The following LRRTM4 variants were observed in gnomAD, a reference collection of about 807,000 sequenced individuals.
LRRTM4 encodes leucine-rich repeat transmembrane neuronal protein 4.
LRRTM4 carries 25 observed loss-of-function variants against 47.6 expected under a neutral mutation model. The observed-to-expected ratio is 0.53, with a 90% confidence interval of 0.38 to 0.73. The LOEUF is 0.73. Ranked by LOEUF, LRRTM4 falls within the 30% of genes least tolerant of loss-of-function variation. LRRTM4 has a pLI of 0.00. For synonymous variants in LRRTM4, 311 were observed against 269.5 expected, an observed-to-expected ratio of 1.15 and a Z score of -1.51; for missense variants, 638 against 713.4, an observed-to-expected ratio of 0.89 and a Z score of 1.20.
At chr2:77,513,806 T>C (rs113704883) in intron 3 of LRRTM4, among the ~76,000 whole-genome samples, 1 of 151,988 alleles carries the variant, frequency 6.6e-6, no homozygotes. Context: ...CCTCAAGTAA[T>C]CCACCCACTT....
At chr2:77,475,362 T>C (rs935482095) in intron 3 of LRRTM4, among the ~76,000 whole-genome samples, 3 of 152,128 alleles carry the variant, frequency 2.0e-5, no homozygotes, top group Non-Finnish European at 1.5e-5. Flanking sequence ...TACAGATAGA[T>C]AGCCAGCATT....
chr2:76,895,228 G>C (rs907476718), intron 3 of LRRTM4, among the ~76,000 whole-genome samples: 4 of 151,946 alleles, frequency 2.6e-5, no homozygotes, highest in Non-Finnish European at 4.4e-5. Flanking sequence ...ACTTGTGGAA[G>C]ACAATTTACC....
intron 3 of LRRTM4, among the ~76,000 whole-genome samples, chr2:77,069,713 G>A (rs1467701739): frequency 6.8e-6 from 1 of 147,780 alleles, no homozygotes; most frequent in Admixed American, 6.8e-5. Context: ...GAGAGCACAG[G>A]GCCTTCTAAA....
chr2:77,354,672 T>TG (rs376852659), intron 3 of LRRTM4, among the ~76,000 whole-genome samples: 4 of 152,184 alleles, frequency 2.6e-5, no homozygotes, highest in African/African-American at 7.2e-5. Flanking sequence ...GCAGGTATGA[T>TG]GGGGGTCTCT....
chr2:76,880,959 G>A (rs1284239498), intron 3 of LRRTM4, among the ~76,000 whole-genome samples: 1 of 152,076 alleles, frequency 6.6e-6, no homozygotes, highest in Non-Finnish European at 1.5e-5. Context: ...AGGGAGTGGG[G>A]GATAGGGAGA....
chr2:77,041,519 AT>A (rs1276829332), intron 3 of LRRTM4, among the ~76,000 whole-genome samples: 1 of 151,430 alleles, frequency 6.6e-6, no homozygotes, highest in Non-Finnish European at 1.5e-5. Context: ...ACTAATTTGC[AT>A]TCCCACCAAC....
intron 3 of LRRTM4, among the ~76,000 whole-genome samples, chr2:77,251,394 T>C (rs1675612191): frequency 6.6e-6 from 1 of 151,324 alleles, no homozygotes; most frequent in African/African-American, 2.4e-5. Flanking sequence ...TCCAGGGAAA[T>C]GGAGGAAGAA....
In LRRTM4 at chr2:77,157,177, A is replaced by C. The variant is rs77607061; in HGVS notation, c.1551+361141T>G. On this transcript the variant is annotated intron_variant, in intron 3 of 3. Coordinates refer to ENST00000409884, the MANE Select transcript of LRRTM4 (RefSeq NM_001134745.3). ...TTAATGCATTAAAAGAGAAATGATC[A>C]AATGTTGGCTAAAAGCAAAGGTTTT... 2.8e-3 allele frequency among the ~76,000 whole-genome samples: 423 copies of C among 152,306 alleles called. 1 individual carries two copies. Among genetic ancestry groups the C allele is most frequent in the African/African-American group, 9.8e-3 (408 of 41,568 alleles).
chr2:77,317,965 T>A (rs1280681623), intron 3 of LRRTM4, among the ~76,000 whole-genome samples: 12 of 151,596 alleles, frequency 7.9e-5, no homozygotes, highest in Admixed American at 7.2e-4. Flanking sequence ...ATTGTTTTTA[T>A]CTCTAAACCA....
chr2:77,095,903 C>T (rs931573450), intron 3 of LRRTM4, among the ~76,000 whole-genome samples: 6 of 152,078 alleles, frequency 3.9e-5, no homozygotes, highest in African/African-American at 1.2e-4. Flanking sequence ...AGATGTTTAT[C>T]GGATAGTACA....
chr2:76,990,616 T>C (rs536255033), intron 3 of LRRTM4, among the ~76,000 whole-genome samples: 6 of 151,992 alleles, frequency 3.9e-5, no homozygotes, highest in South Asian at 2.1e-4. Context: ...TTAGTACATA[T>C]GCACTCAACA....
intron 3 of LRRTM4, among the ~76,000 whole-genome samples, chr2:77,365,810 T>C (rs181961700): frequency 1.4e-4 from 21 of 150,894 alleles, no homozygotes; most frequent in South Asian, 1.0e-3. Flanking sequence ...GTAAACCTAT[T>C]TGATGGAAAT....
chr2:77,339,722 A>G (rs1289140169), intron 3 of LRRTM4, among the ~76,000 whole-genome samples: 2 of 152,030 alleles, frequency 1.3e-5, no homozygotes, highest in African/African-American at 2.4e-5. Context: ...ATATGAAGAA[A>G]AGATGGAAGG....
intron 3 of LRRTM4, among the ~76,000 whole-genome samples, chr2:76,816,583 C>G (rs1034691511): frequency 2.6e-5 from 4 of 151,128 alleles, no homozygotes; most frequent in African/African-American, 7.3e-5. Flanking sequence ...TTTTTGGAAT[C>G]TGTATTTTTA....
Position 76,770,870 on chromosome 2 carries a change from A to C in LRRTM4, c.1552-21954T>G, listed in dbSNP as rs187686489. 9.2e-5 allele frequency among the ~76,000 whole-genome samples: 14 copies of C among 152,296 alleles called. No homozygotes were observed. The East Asian group carries it at 2.1e-3, about 23-fold the overall frequency. On this transcript the variant is annotated intron_variant, in intron 3 of 3. Coordinates refer to ENST00000409884, the MANE Select transcript of LRRTM4 (RefSeq NM_001134745.3). Reference sequence around the variant, plus strand: ...CTTGGAGAGCTTTTCTAGGTCAACTAAGTACTCACACTGTGCTACATGTTC... The same window carrying C: ...CTTGGAGAGCTTTTCTAGGTCAACTCAGTACTCACACTGTGCTACATGTTC...
At chr2:77,468,712 G>T (rs1677074581) in intron 3 of LRRTM4, among the ~76,000 whole-genome samples, 1 of 152,024 alleles carries the variant, frequency 6.6e-6, no homozygotes, top group Non-Finnish European at 1.5e-5. Context: ...AGTCTAGAGG[G>T]CATCACATAC....
intron 3 of LRRTM4, among the ~76,000 whole-genome samples, chr2:77,281,845 G>T (rs1573189980): frequency 6.6e-6 from 1 of 151,938 alleles, no homozygotes; most frequent in Admixed American, 6.6e-5. Context: ...TGACCATGTA[G>T]ACTATGTTAG....
chr2:77,362,113 G>GAA (rs1456982683), intron 3 of LRRTM4, among the ~76,000 whole-genome samples: 11 of 136,074 alleles, frequency 8.1e-5, no homozygotes, highest in Admixed American at 6.1e-4. Context: ...AAGAAAGAAA[G>GAA]AGAGAAAGAA....
At chr2:77,138,188 C>A (rs1055360389) in intron 3 of LRRTM4, among the ~76,000 whole-genome samples, 2 of 152,100 alleles carry the variant, frequency 1.3e-5, no homozygotes, top group South Asian at 4.1e-4. Flanking sequence ...CTCAGCACAT[C>A]GCACTTATTC....
Sources: gnomAD v4.1 joint callset for allele counts (sites outside exome capture counted in the v4.1 genomes callset) on GRCh38, gnomAD v4.1.1 for gene constraint, MANE v1.5 for transcripts, NCBI Gene and HGNC (gene_info 2026-07-23, HGNC 2026-07-21) for gene names.